The following ADAMTS17 variants were observed in gnomAD, a reference collection of about 807,000 sequenced individuals.
ADAMTS17 encodes the protein A disintegrin and metalloproteinase with thrombospondin motifs 17.
Under a neutral mutation model 141.5 loss-of-function variants are expected in ADAMTS17, and 113 were observed. The observed-to-expected ratio is 0.80, with a 90% confidence interval of 0.69 to 0.93. The LOEUF (loss-of-function observed/expected upper bound fraction) is 0.93. ADAMTS17 is among the 40% of genes least tolerant of loss of function. The pLI is 0.00. For missense variants in ADAMTS17, 1,659 were observed against 1,517.9 expected (o/e 1.09, Z -1.54); for synonymous variants, 768 against 630.6 (o/e 1.22, Z -3.27).
chr15:100,015,838 T>C (rs1318359837), intron 18 of ADAMTS17, among the ~76,000 whole-genome samples: 1 of 152,238 alleles, frequency 6.6e-6, no homozygotes, highest in Non-Finnish European at 1.5e-5. Flanking sequence ...CTGATGACAA[T>C]GTGCCTAAGT....
At chr15:100,309,955 G>C (rs1028662302) in intron 3 of ADAMTS17, among the ~76,000 whole-genome samples, 1 of 152,342 alleles carries the variant, frequency 6.6e-6, no homozygotes, top group East Asian at 1.9e-4. Flanking sequence ...TAGGAAACAG[G>C]AAGATTTGAG....
In ADAMTS17 at chr15:100,030,994, T is replaced by C. The variant is rs113564051; in HGVS notation, c.2591+17863A>G. On this transcript the variant is annotated intron_variant, in intron 18 of 21. Transcript: ENST00000268070. ...TTGTAGTTGAGCAGTGATGATAGTT[T>C]TGGCTGGCGTTCACGGAGTGCTGAC... is the stretch of plus-strand genomic sequence containing the variant. 4.8e-4 allele frequency among the ~76,000 whole-genome samples: 73 copies of C among 152,344 alleles called. 1 individual carries two copies. Among genetic ancestry groups the C allele is most frequent in the African/African-American group, 1.6e-3 (65 of 41,578 alleles).
rs1390341261 is a variant in ADAMTS17 at position 100,331,072 on chromosome 15, G to A, written c.451-18C>T. On this transcript the variant is annotated intron_variant, in intron 2 of 21. Coordinates refer to ENST00000268070, the MANE Select transcript of ADAMTS17 (RefSeq NM_139057.4). ...AGGCCAACCTGTCCAGAAAGGAGAA[G>A]GAAACGCGATGTCGGTCATCCTCAC... 6.2e-7 allele frequency: 1 copy of A among 1,614,028 alleles called. No individual in the cohort carries two copies. Among genetic ancestry groups the A allele is most frequent in the Non-Finnish European group, 8.5e-7 (1 of 1,180,018 alleles).
At chr15:100,155,683 T>C (rs1009159648) in intron 8 of ADAMTS17, among the ~76,000 whole-genome samples, 1 of 152,276 alleles carries the variant, frequency 6.6e-6, no homozygotes, top group African/African-American at 2.4e-5. Context: ...TTCATGGTTT[T>C]GGTGTTTCTG....
intron 7 of ADAMTS17, among the ~76,000 whole-genome samples, chr15:100,243,448 T>G (rs2042888195): frequency 6.6e-6 from 1 of 152,210 alleles, no homozygotes; most frequent in South Asian, 2.1e-4. Context: ...GCACAAGGGT[T>G]CCCATCTCTC....
chr15:100,214,719 C>T (rs796105627), intron 7 of ADAMTS17, among the ~76,000 whole-genome samples: 24 of 152,290 alleles, frequency 1.6e-4, no homozygotes, highest in African/African-American at 4.3e-4. Context: ...TTCACTTGCT[C>T]GGCCCACCAT....
At chr15:100,216,206 A>C (rs149759640) in intron 7 of ADAMTS17, among the ~76,000 whole-genome samples, 261 of 152,334 alleles carry the variant, frequency 1.7e-3, no homozygotes, top group African/African-American at 5.9e-3. Flanking sequence ...ATGAGAGAAG[A>C]AGCAATGTTC....
intron 7 of ADAMTS17, among the ~76,000 whole-genome samples, chr15:100,238,099 C>A (rs2042714148): frequency 6.6e-6 from 1 of 152,214 alleles, no homozygotes; most frequent in Non-Finnish European, 1.5e-5. Context: ...ATGGTGGGGA[C>A]CCTGCCTTTG....
rs1377975268 is a variant in ADAMTS17 at position 100,053,988 on chromosome 15, T to C, written c.2204A>G (p.Gln735Arg). 2 of 1,614,070 alleles carry C rather than the reference T, an allele frequency of 1.2e-6. No individual in the cohort carries two copies. The highest frequency in any genetic ancestry group is 1.7e-6 in the Non-Finnish European group (2 of 1,180,046). The change falls in exon 16 of 22, where the codon CAG becomes CGG. Residue 735 changes from glutamine to arginine, a missense_variant. Gln to Arg is a conservative substitution (Grantham distance 43). Coordinates refer to ENST00000268070, the MANE Select transcript of ADAMTS17 (RefSeq NM_139057.4). Reference protein sequence around the residue: ...DWKIELPGEFQIAGTTVRYVR... With the variant: ...DWKIELPGEFRIAGTTVRYVR... ...ATAGCGAACAGTTGTGCCTGCAATC[T>C]GGAACTCTCCGGGGAGCTCTATCTT...
At chr15:100,235,016 A>G (rs188629501) in intron 7 of ADAMTS17, among the ~76,000 whole-genome samples, 1 of 152,210 alleles carries the variant, frequency 6.6e-6, no homozygotes, top group African/African-American at 2.4e-5. Context: ...CAAGGTAATT[A>G]TGTTCACGGA....
intron 9 of ADAMTS17, among the ~76,000 whole-genome samples, chr15:100,153,205 G>C (rs2039269826): frequency 1.3e-5 from 2 of 152,172 alleles, no homozygotes; most frequent in African/African-American, 4.8e-5. Flanking sequence ...CAACTCTTCA[G>C]GTTCTTTTCG....
chr15:100,260,474 T>G (rs1025631263), intron 6 of ADAMTS17, among the ~76,000 whole-genome samples: 1 of 151,594 alleles, frequency 6.6e-6, no homozygotes. Flanking sequence ...ATTAGCCAGG[T>G]GTGGTGGCAC....
intron 14 of ADAMTS17, among the ~76,000 whole-genome samples, chr15:100,106,365 A>C (rs538010810): frequency 6.6e-6 from 1 of 152,356 alleles, no homozygotes; most frequent in African/African-American, 2.4e-5. Context: ...ACGACACCCA[A>C]GTGCAGAACA....
rs146041639 is a variant in ADAMTS17 at position 100,152,639 on chromosome 15, C to T, written c.1446G>A (p.Met482Ile). The change falls in exon 10 of 22, where the codon ATG (methionine) becomes ATA (isoleucine). Residue 482 changes from methionine to isoleucine, a missense_variant. By Grantham distance (10) the Met-to-Ile change is conservative. Coordinates refer to ENST00000268070, the MANE Select transcript of ADAMTS17 (RefSeq NM_139057.4). ...CCATGTTTCTGCAGAAGGTGGCATT[C>T]ATGCCAAACAGGATCTGGCACTGCT... ...ANEQCQILFG[M>I]NATFCRNMEH... 108 of 1,614,128 alleles carry T rather than the reference C, an allele frequency of 6.7e-5. No individual in the cohort carries two copies. The African/African-American group carries it at 1.1e-3, about 16-fold the overall frequency.
At position 100,115,651 on chromosome 15, in the gene ADAMTS17, G is replaced by A. The variant is rs1430714895; in HGVS notation, c.1888+1196C>T. Among the ~76,000 whole-genome samples, 5 of 152,272 alleles carry A rather than the reference G, an allele frequency of 3.3e-5. 1 individual carries two copies. In the East Asian group the frequency reaches 9.6e-4, roughly 29 times the overall value. ...CCCGGGCCCACCTTCACACAGCTAC[G>A]CACACCTGAACTTGCGACAGCAGAA... On this transcript the variant is annotated intron_variant, in intron 13 of 21. Transcript: ENST00000268070.
At chr15:100,241,241 T>G (rs994622961) in intron 7 of ADAMTS17, among the ~76,000 whole-genome samples, 2 of 152,240 alleles carry the variant, frequency 1.3e-5, no homozygotes, top group African/African-American at 4.8e-5. Context: ...GACTACTTTT[T>G]AATTCTTCAG....
intron 3 of ADAMTS17, among the ~76,000 whole-genome samples, chr15:100,283,999 G>A (rs746674592): frequency 1.3e-5 from 2 of 152,136 alleles, no homozygotes; most frequent in South Asian, 2.1e-4. Context: ...CCAGCCACTC[G>A]GGAGGCGAGG....
At chr15:100,260,230 G>C (rs779032290) in intron 6 of ADAMTS17, among the ~76,000 whole-genome samples, 1 of 152,210 alleles carries the variant, frequency 6.6e-6, no homozygotes, top group African/African-American at 2.4e-5. Context: ...TGACTGAGAC[G>C]TCATGGGGCT....
chr15:100,177,133 A>T (rs2040366114), intron 8 of ADAMTS17, among the ~76,000 whole-genome samples: 1 of 152,256 alleles, frequency 6.6e-6, no homozygotes, highest in Non-Finnish European at 1.5e-5. Flanking sequence ...TAAATGCACA[A>T]CAGTGCAATT....
Sources: gnomAD v4.1 joint callset for allele counts (sites outside exome capture counted in the v4.1 genomes callset) on GRCh38, gnomAD v4.1.1 for gene constraint, MANE v1.5 for transcripts, NCBI Gene and HGNC (gene_info 2026-07-23, HGNC 2026-07-21) for gene names.